The following LAMA2 variants were observed in gnomAD, a reference collection of about 807,000 sequenced individuals.
LAMA2 encodes the protein laminin subunit alpha 2.
In LAMA2, 269 loss-of-function variants were observed where a neutral mutation model predicts 364.8. That is an observed-to-expected ratio of 0.74 (90% confidence interval 0.67 to 0.82). The LOEUF (loss-of-function observed/expected upper bound fraction) is 0.82, where lower values mean the gene tolerates loss of function less well. Ranked by LOEUF, LAMA2 falls within the 40% of genes least tolerant of loss-of-function variation. The pLI, the probability that LAMA2 is intolerant of heterozygous loss-of-function variation, is 0.00. For synonymous variants in LAMA2, 1,379 were observed against 1,370.6 expected, an observed-to-expected ratio of 1.01 and a Z score of -0.14; for missense variants, 3,807 against 3,873.2, an observed-to-expected ratio of 0.98 and a Z score of 0.45.
chr6:129,185,752 TATC>T (rs1781190870), intron 10 of LAMA2, among the ~76,000 whole-genome samples: 1 of 151,854 alleles, frequency 6.6e-6, no homozygotes, highest in Non-Finnish European at 1.5e-5. Flanking sequence ...TGTGTTTTAA[TATC>T]ATAATATGTG....
chr6:128,986,086 T>C (rs1230824679), intron 1 of LAMA2, among the ~76,000 whole-genome samples: 1 of 152,208 alleles, frequency 6.6e-6, no homozygotes, highest in Non-Finnish European at 1.5e-5. Context: ...TTTTTGTATC[T>C]CTATGAACTC....
chr6:129,148,789 TC>T (rs1407782212), intron 6 of LAMA2, among the ~76,000 whole-genome samples, 189 bp from the exon 7 acceptor site: 3 of 152,050 alleles, frequency 2.0e-5, no homozygotes, highest in Non-Finnish European at 4.4e-5. Flanking sequence ...AGCCTGGACT[TC>T]CTTAAGGTGA....
chr6:128,985,539 A>C (rs1359223255), intron 1 of LAMA2, among the ~76,000 whole-genome samples: 1 of 152,218 alleles, frequency 6.6e-6, no homozygotes, highest in Non-Finnish European at 1.5e-5. Flanking sequence ...GAGCCTGCTT[A>C]AAAATCTGAC....
At chr6:129,399,508 T>C (rs1481627880) in intron 37 of LAMA2, among the ~76,000 whole-genome samples, 1 of 152,198 alleles carries the variant, frequency 6.6e-6, no homozygotes, top group Non-Finnish European at 1.5e-5. Context: ...ATTACTTCCT[T>C]AAGGTTTCAT....
rs576195565 is a variant in LAMA2, at chr6:128,923,343, A to G, written c.112+39986A>G. Reference sequence around the variant, plus strand: ...ATATTGATTCTTCCTACCCATGAGCATGGAATGTTCTTCCATTTGTTTGTA... The same window carrying G: ...ATATTGATTCTTCCTACCCATGAGCGTGGAATGTTCTTCCATTTGTTTGTA... On this transcript the variant is annotated intron_variant, in intron 1 of 64. Transcript: ENST00000421865. Among the ~76,000 whole-genome samples, 25 of 151,464 alleles carry G rather than the reference A, an allele frequency of 1.7e-4. No homozygotes were observed. In the East Asian group the frequency reaches 3.5e-3, roughly 21 times the overall value.
intron 1 of LAMA2, among the ~76,000 whole-genome samples, chr6:128,940,086 GT>G (rs1387798908): frequency 1.3e-5 from 2 of 150,424 alleles, no homozygotes; most frequent in African/African-American, 5.0e-5. Context: ...TTCAAGTTAT[GT>G]TTTGTTCATA....
At chr6:128,991,801 T>C (rs773686617) in intron 1 of LAMA2, among the ~76,000 whole-genome samples, 2 of 152,190 alleles carry the variant, frequency 1.3e-5, no homozygotes, top group Non-Finnish European at 2.9e-5. Context: ...TATGTGCCCC[T>C]GACATCTGTA....
chr6:129,055,227 T>A (rs545856955), intron 2 of LAMA2, among the ~76,000 whole-genome samples: 1 of 144,482 alleles, frequency 6.9e-6, no homozygotes, highest in South Asian at 2.1e-4. Flanking sequence ...AGTCTCACTC[T>A]GTCACCCGGG....
chr6:129,280,187 C>A, intron 18 of LAMA2, 40 bp downstream of exon 18: 5 of 1,325,266 alleles, frequency 3.8e-6, no homozygotes, highest in Non-Finnish European at 5.5e-6. Context: ...TGATTTCTAC[C>A]TTGGGAGTTA....
chr6:129,453,199 T>C, intron 46 of LAMA2, 68 bp downstream of exon 46: 1 of 1,414,496 alleles, frequency 7.1e-7, no homozygotes, highest in Non-Finnish European at 9.9e-7. Context: ...TCTGAAAATG[T>C]ATAGAATCCC....
intron 13 of LAMA2, among the ~76,000 whole-genome samples, chr6:129,250,484 ATAT>A (rs1031369079): frequency 3.9e-5 from 6 of 152,314 alleles, no homozygotes; most frequent in Non-Finnish European, 7.4e-5. Flanking sequence ...CAAAATTTAA[ATAT>A]TATGAAAGTG....
At chr6:129,434,635 C>T (rs1039154024) in intron 41 of LAMA2, among the ~76,000 whole-genome samples, 3 of 152,174 alleles carry the variant, frequency 2.0e-5, no homozygotes, top group African/African-American at 7.2e-5. Flanking sequence ...TATGTCTTCA[C>T]CCTTGTTACA....
intron 1 of LAMA2, among the ~76,000 whole-genome samples, chr6:128,930,528 AAT>A (rs1779404900): frequency 6.6e-6 from 1 of 152,110 alleles, no homozygotes; most frequent in Non-Finnish European, 1.5e-5. Context: ...CTGAGTGTAG[AAT>A]ATATAGATCA....
chr6:129,172,773 C>T (rs1480684800), intron 9 of LAMA2, among the ~76,000 whole-genome samples: 7 of 152,222 alleles, frequency 4.6e-5, no homozygotes, highest in Admixed American at 6.5e-5. Flanking sequence ...CCCCCAGCCT[C>T]GCTGCTGCCT....
chr6:129,114,340 C>T (rs367593724), intron 4 of LAMA2, among the ~76,000 whole-genome samples: 3 of 151,974 alleles, frequency 2.0e-5, no homozygotes, highest in Admixed American at 6.6e-5. Context: ...CAACTCTGTC[C>T]AGAACCCACA....
chr6:129,205,921 G>T (rs1782615046), intron 12 of LAMA2, among the ~76,000 whole-genome samples: 1 of 151,864 alleles, frequency 6.6e-6, no homozygotes, highest in Non-Finnish European at 1.5e-5. Context: ...TACCAGGGAG[G>T]CTGAGGCATG....
rs186693805 is a variant in LAMA2, at chr6:129,052,412, T to G, written c.283+2324T>G. 3.9e-3 allele frequency among the ~76,000 whole-genome samples: 593 copies of G among 151,534 alleles called. 8 individuals carry two copies. Among genetic ancestry groups the G allele is most frequent in the African/African-American group, 0.014 (564 of 41,282 alleles). Reference sequence around the variant, plus strand: ...ATATGCCCGCCTCGGCCTCCCAAAGTGCTGGGATTACAGGCGTGAGCCACC... The same window carrying G: ...ATATGCCCGCCTCGGCCTCCCAAAGGGCTGGGATTACAGGCGTGAGCCACC... On this transcript the variant is annotated intron_variant, in intron 2 of 64. Coordinates refer to ENST00000421865, the MANE Select transcript of LAMA2 (RefSeq NM_000426.4).
At chr6:129,192,947 A>C in intron 12 of LAMA2, 94 bp downstream of exon 12, 1 of 1,239,252 alleles carries the variant, frequency 8.1e-7, no homozygotes, top group Non-Finnish European at 1.1e-6. Flanking sequence ...AGACAAAATC[A>C]AATACACACT....
chr6:129,361,622 A>G (rs1328008440), intron 32 of LAMA2, among the ~76,000 whole-genome samples: 5 of 152,154 alleles, frequency 3.3e-5, no homozygotes, highest in African/African-American at 1.2e-4. Context: ...TGAAGGCAGC[A>G]GGGGTCCAAG....
Sources: gnomAD v4.1 joint callset for allele counts (sites outside exome capture counted in the v4.1 genomes callset) on GRCh38, gnomAD v4.1.1 for gene constraint, MANE v1.5 for transcripts, NCBI Gene and HGNC (gene_info 2026-07-23, HGNC 2026-07-21) for gene names.